CLCA2: variants seen among roughly 807,000 people sequenced by gnomAD.
CLCA2 encodes the protein chloride channel accessory 2.
Under a neutral mutation model 82.9 loss-of-function variants are expected in CLCA2, and 85 were observed. The observed-to-expected ratio is 1.03, with a 90% CI of 0.86 to 1.23. CLCA2 has a LOEUF of 1.23. CLCA2 is among the 50% of genes most tolerant of loss of function. The probability of loss-of-function intolerance (pLI) is 0.00; values close to 1 mark genes in which losing one functional copy is unlikely to be tolerated. For synonymous variants in CLCA2, 421 were observed against 391.7 expected (o/e 1.07, Z -0.88); for missense variants, 1,089 against 1,124.8 (o/e 0.97, Z 0.45).
At chr1:86,452,392 T>C (rs187234462) in intron 12 of CLCA2, among the ~76,000 whole-genome samples, 77 of 152,222 alleles carry the variant, frequency 5.1e-4, no homozygotes, top group African/African-American at 1.8e-3. Context: ...TTGCTTGCTG[T>C]GCTTTAATTC....
Position 86,425,337 on chromosome 1 carries a change from A to G in CLCA2, c.187-2A>G. 1 of 1,551,350 alleles carries G rather than the reference A, an allele frequency of 6.4e-7. No individual in the cohort carries two copies. Among genetic ancestry groups the G allele is most frequent in the South Asian group, 1.3e-5 (1 of 79,370 alleles). ...GTAAGTTTTTCTTTTGTCTGGCTGT[A>G]GGAAATGATAACTGAAGCTTCATTT... On this transcript the variant is annotated splice_acceptor_variant, in intron 1 of 13. Coordinates refer to ENST00000370565, the MANE Select transcript of CLCA2 (RefSeq NM_006536.7). LOFTEE classifies it high-confidence loss of function.
At chr1:86,448,192 A>T (rs984049050) in intron 11 of CLCA2, 1 of 167,104 alleles carries the variant, frequency 6.0e-6, no homozygotes, top group African/African-American at 2.4e-5. Context: ...GTGCAGTGAC[A>T]GCGAACCCAC....
Position 86,455,652 on chromosome 1 carries a change from A to G in CLCA2, c.*125A>G, listed in dbSNP as rs1663063326. On this transcript the variant is annotated 3_prime_UTR_variant, in exon 14 of 14. Coordinates refer to ENST00000370565, the MANE Select transcript of CLCA2 (RefSeq NM_006536.7). ...AATGCATTGAGTTTTTGTACAATAC[A>G]GATAAGATTTTTACATGGTAGATCA... is the stretch of plus-strand genomic sequence containing the variant. 1.8e-6 allele frequency: 1 copy of G among 557,232 alleles called. No individual in the cohort carries two copies. The highest frequency in any genetic ancestry group is 7.2e-5 in the South Asian group (1 of 13,836). 34.5% of individuals were successfully genotyped at this position (557,232 alleles called of 1,614,324 possible). A position where few individuals can be genotyped will look rare whatever the true frequency, so the allele number is the denominator to read the frequency against.
chr1:86,440,368 T>C, intron 8 of CLCA2, 43 bp downstream of exon 8: 1 of 1,534,526 alleles, frequency 6.5e-7, no homozygotes, highest in South Asian at 1.2e-5. Context: ...CATGTCCCTT[T>C]AACTTGACTA....
intron 2 of CLCA2, 98 bp from the exon 3 acceptor site, chr1:86,428,320 T>A: frequency 8.8e-7 from 1 of 1,131,214 alleles, no homozygotes; most frequent in Non-Finnish European, 1.2e-6. Context: ...AATGCACACA[T>A]CTTAAGTGTA....
In CLCA2 at chr1:86,447,628, G is replaced by A. The variant is rs267598743; in HGVS notation, c.1834G>A (p.Glu612Lys). ...VPPATVEAFVERDSLHFPHPV... is the reference protein window; with the variant it reads ...VPPATVEAFVKRDSLHFPHPV... ...CCCAGCCACTGTGGAAGCCTTTGTGGAAAGAGACAGCCTCCATTTTCCTCA... is the reference window on the plus strand; with the variant it reads ...CCCAGCCACTGTGGAAGCCTTTGTGAAAAGAGACAGCCTCCATTTTCCTCA... The change falls in exon 11 of 14, where the codon GAA (glutamate) becomes AAA (lysine). Residue 612 changes from glutamate (E) to lysine (K), a missense_variant. Physicochemically the swap from Glu to Lys is moderately conservative, Grantham distance 56 (BLOSUM62 1). Transcript: ENST00000370565. The A allele has an allele frequency of 6.2e-7, 1 of 1,614,076 alleles. No individual in the cohort carries two copies. Among genetic ancestry groups the A allele is most frequent in the Non-Finnish European group, 8.5e-7 (1 of 1,180,028 alleles).
intron 3 of CLCA2, among the ~76,000 whole-genome samples, chr1:86,429,972 C>T (rs968058057): frequency 6.6e-6 from 1 of 152,148 alleles, no homozygotes; most frequent in Non-Finnish European, 1.5e-5. Context: ...TAGGCACAAT[C>T]TTTCCCTCAA....
intron 3 of CLCA2, among the ~76,000 whole-genome samples, chr1:86,428,864 C>T (rs112283281): frequency 2.0e-5 from 3 of 152,262 alleles, no homozygotes; most frequent in African/African-American, 7.2e-5. Flanking sequence ...CAAGATTGAA[C>T]ATCATTTTGA....
In CLCA2 at chr1:86,455,506, G is replaced by C; in HGVS notation, c.2811G>C (p.Glu937Asp). The change falls in exon 14 of 14, where the codon GAG becomes GAC. Residue 937 changes from glutamate to aspartate, a missense_variant. Transcript: ENST00000370565. ...GGAAAAAGAGAGCAGACAAGAAAGA[G>C]AATGGAACAAAATTATTATAAATAA... ...LSRKKRADKK[E>D]NGTKLL 1 of 1,482,600 alleles carries C rather than the reference G, an allele frequency of 6.7e-7. No homozygotes were observed. The allele number at this position is 1,482,600 out of a possible 1,614,324, so 91.8% of individuals were successfully genotyped here.
At chr1:86,448,303 C>T (rs557440195) in intron 11 of CLCA2, 15 of 155,452 alleles carry the variant, frequency 9.6e-5, no homozygotes, top group African/African-American at 3.4e-4. Context: ...AGAGAGGGCA[C>T]AGCTCAGTTC....
rs1663066040 is a variant in CLCA2 at position 86,455,817 on chromosome 1, T to C, written c.*290T>C. 1 of 176,502 alleles carries C rather than the reference T, an allele frequency of 5.7e-6. No individual in the cohort carries two copies. The allele number at this position is 176,502 out of a possible 1,614,324, so 10.9% of individuals were successfully genotyped here. A position where few individuals can be genotyped will look rare whatever the true frequency, so the allele number is the denominator to read the frequency against. The stretch of plus-strand genomic sequence containing the variant: ...CCAGTGTCAAGGAAAGTTTGTTTTA[T>C]TGAGGTGGAAAAATAGCCCCAAGCA... On this transcript the variant is annotated 3_prime_UTR_variant, in exon 14 of 14. Transcript: ENST00000370565.
Position 86,455,078 on chromosome 1 carries a change from A to G in CLCA2, c.2390-7A>G, listed in dbSNP as rs370645285. 5 of 1,461,868 alleles carry G rather than the reference A, an allele frequency of 3.4e-6. No homozygotes were observed. In the African/African-American group the frequency reaches 5.7e-5, roughly 17 times the overall value. The allele number at this position is 1,461,868 out of a possible 1,614,324, so 90.6% of individuals were successfully genotyped here. ...TTAATTTTCCTATTTATATTTTTTAATTTCAGCTACAAGCTATGAAATAAG... is the reference window on the plus strand; with the variant it reads ...TTAATTTTCCTATTTATATTTTTTAGTTTCAGCTACAAGCTATGAAATAAG... On this transcript the variant is annotated splice_region_variant and splice_polypyrimidine_tract_variant and intron_variant, in intron 13 of 13. Coordinates refer to ENST00000370565, the MANE Select transcript of CLCA2 (RefSeq NM_006536.7).
chr1:86,439,763 G>A (rs1169205177), intron 7 of CLCA2, among the ~76,000 whole-genome samples: 1 of 152,112 alleles, frequency 6.6e-6, no homozygotes, highest in African/African-American at 2.4e-5. Context: ...GATCTGGGAT[G>A]TGACCTGACC....
chr1:86,450,720 T>C lies in CLCA2; in HGVS notation c.2142T>C (p.Gly714=), dbSNP rs749587197. ...GGAGTCATGCTATGTATGTACCAGGTTACACAGCAAACGGTAAGAACCATT... is the reference window on the plus strand; with the variant it reads ...GGAGTCATGCTATGTATGTACCAGGCTACACAGCAAACGGTAAGAACCATT... The part of the protein sequence containing the change: ...IPGSHAMYVP[G]YTANGNIQMN... Residue 714 remains glycine, a synonymous_variant, in exon 12 of 14, where the codon GGT becomes GGC. Transcript: ENST00000370565. 1 of 1,602,612 alleles carries C rather than the reference T, an allele frequency of 6.2e-7. No individual in the cohort carries two copies. The highest frequency in any genetic ancestry group is 2.2e-5 in the East Asian group (1 of 44,658).
At chr1:86,439,783 G>A (rs182000869) in intron 7 of CLCA2, among the ~76,000 whole-genome samples, 1 of 152,182 alleles carries the variant, frequency 6.6e-6, no homozygotes, top group African/African-American at 2.4e-5. Context: ...CATTAAAATT[G>A]TTTAAGTCTC....
At chr1:86,443,210 G>A (rs1469166680) in intron 9 of CLCA2, among the ~76,000 whole-genome samples, 1 of 151,968 alleles carries the variant, frequency 6.6e-6, no homozygotes, top group Non-Finnish European at 1.5e-5. Context: ...GGTATTTTTA[G>A]TACAGAAAGG....
Position 86,428,447 on chromosome 1 carries a change from G to A in CLCA2, c.354G>A (p.Gly118=). The A allele has an allele frequency of 6.2e-7, 1 of 1,610,274 alleles. No individual in the cohort carries two copies. Among genetic ancestry groups the A allele is most frequent in the Non-Finnish European group, 8.5e-7 (1 of 1,178,176 alleles). ...ATGTCATAGTGACTGACTGGTATGGGGCACATGGAGATGATCCATACACCC... is the reference window on the plus strand; with the variant it reads ...ATGTCATAGTGACTGACTGGTATGGAGCACATGGAGATGATCCATACACCC... ...KANVIVTDWY[G]AHGDDPYTLQ... The change falls in exon 3 of 14, where the codon GGG becomes GGA. Residue 118 remains glycine, a synonymous_variant. Coordinates refer to ENST00000370565, the MANE Select transcript of CLCA2 (RefSeq NM_006536.7).
intron 3 of CLCA2, among the ~76,000 whole-genome samples, chr1:86,429,545 T>C (rs890244337): frequency 6.6e-6 from 1 of 152,104 alleles, no homozygotes; most frequent in African/African-American, 2.4e-5. Context: ...GTTCAGCCTG[T>C]GGTTAGATAT....
chr1:86,432,138 G>T (rs1251678954), intron 4 of CLCA2, among the ~76,000 whole-genome samples: 1 of 152,136 alleles, frequency 6.6e-6, no homozygotes. Flanking sequence ...GTTTCACCAT[G>T]TTGGCTAGGC....
Sources: allele counts gnomAD v4.1 joint callset (sites outside exome capture counted in the v4.1 genomes callset), GRCh38; gene constraint gnomAD v4.1.1; transcripts MANE v1.5; gene names NCBI Gene and HGNC (gene_info 2026-07-23, HGNC 2026-07-21).